CCNH: variants seen among roughly 807,000 people sequenced by gnomAD.
CCNH encodes cyclin H.
A neutral mutation model predicts 41.9 loss-of-function variants in CCNH; 31 were observed. The observed-to-expected ratio is 0.74, with a 90% CI of 0.56 to 1.00. The LOEUF is 1.00. CCNH is among the 50% of genes least tolerant of loss of function. The probability of loss-of-function intolerance (pLI) is 0.00; values close to 1 mark genes in which losing one functional copy is unlikely to be tolerated. For synonymous variants in CCNH, 138 were observed against 136.1 expected (o/e 1.01, Z -0.10); for missense variants, 362 against 388.4 (o/e 0.93, Z 0.57).
chr5:87,374,073 G>T, downstream of CCNH: 1 of 1,108,952 alleles, frequency 9.0e-7, no homozygotes, highest in Non-Finnish European at 1.1e-6. Flanking sequence ...CATTATTTTT[G>T]GCTTTGTATC....
At chr5:87,318,705 A>G (rs1459835733) in exon 10 of CCNH, 1 of 152,212 alleles carries the variant, frequency 6.6e-6, no homozygotes, top group Non-Finnish European at 1.5e-5. Flanking sequence ...ACAATTCAAC[A>G]TGAGATTTGG....
In CCNH at chr5:87,395,091, CT is replaced by C. The variant is rs1339121452; in HGVS notation, c.885del (p.Gly296AlafsTer25). The C allele has an allele frequency of 6.2e-7, 1 of 1,611,114 alleles. No homozygotes were observed. Among genetic ancestry groups the C allele is most frequent in the Non-Finnish European group, 8.5e-7 (1 of 1,178,120 alleles). ...LALNVITKKR[K>X]GYEDDDYVSK... ...GAGACGTAATCATCATCTTCATAGC[CT>C]TTCCTCTTCTTCCTATAATTAAGCA... On this transcript the variant is annotated frameshift_variant, in exon 8 of 9. Transcript: ENST00000256897. LOFTEE classifies it high-confidence loss of function.
At chr5:87,404,678 A>G (rs796236368) in intron 5 of CCNH, among the ~76,000 whole-genome samples, 166 bp downstream of exon 5, 3 of 152,346 alleles carry the variant, frequency 2.0e-5, no homozygotes, top group African/African-American at 7.2e-5. Flanking sequence ...TTAGTTTAAC[A>G]GTATTTTTCA....
At chr5:87,319,704 G>A (rs998771554) in intron 9 of CCNH, among the ~76,000 whole-genome samples, 3 of 152,006 alleles carry the variant, frequency 2.0e-5, no homozygotes, top group East Asian at 1.9e-4. Context: ...TACTGGAGGG[G>A]CAGCCATGAA....
downstream of CCNH, among the ~76,000 whole-genome samples, chr5:87,374,532 T>C (rs1221764853): frequency 1.3e-5 from 2 of 150,796 alleles, no homozygotes; most frequent in Non-Finnish European, 3.0e-5. Context: ...TTCCACTTAG[T>C]TATTAACATG....
rs780883922 is a variant in CCNH, at chr5:87,412,770, G to A, written c.25C>T (p.Arg9Trp). ...TCCTCGCTGGAGAAGGTCCAGTGCC[G>A]CTTCTGACTACTGTTGTGGTACATT... is the stretch of plus-strand genomic sequence containing the variant. MYHNSSQKRHWTFSSEEQL... is the reference protein window; with the variant it reads MYHNSSQKWHWTFSSEEQL... The change falls in exon 1 of 9, where the codon CGG becomes TGG. Residue 9 changes from arginine to tryptophan, a missense_variant. Arg to Trp is a moderately radical substitution (Grantham distance 101). Coordinates refer to ENST00000256897, the MANE Select transcript of CCNH (RefSeq NM_001239.4). 6.2e-7 allele frequency: 1 copy of A among 1,614,190 alleles called. No individual in the cohort carries two copies. Among genetic ancestry groups the A allele is most frequent in the Non-Finnish European group, 8.5e-7 (1 of 1,180,030 alleles).
chr5:87,347,061 C>T (rs772808566), intron 9 of CCNH, among the ~76,000 whole-genome samples: 16 of 151,940 alleles, frequency 1.1e-4, no homozygotes, highest in Non-Finnish European at 2.1e-4. Context: ...GAACATGCAA[C>T]ACACTTTTTT....
chr5:87,362,450 A>G (rs2112455704), intron 9 of CCNH: 1 of 1,140,826 alleles, frequency 8.8e-7, no homozygotes, highest in East Asian at 2.5e-5. Context: ...TCTAGATTTT[A>G]GTATTTTAAG....
chr5:87,400,575 T>C (rs1763327776), intron 6 of CCNH, among the ~76,000 whole-genome samples: 1 of 152,220 alleles, frequency 6.6e-6, no homozygotes, highest in Admixed American at 6.5e-5. Context: ...ACAGCCATCA[T>C]TCTCAAAGGA....
At chr5:87,339,677 C>T (rs1228502320) in intron 9 of CCNH, among the ~76,000 whole-genome samples, 1 of 152,036 alleles carries the variant, frequency 6.6e-6, no homozygotes, top group African/African-American at 2.4e-5. Context: ...GACCTCACAT[C>T]AGTACAAGGG....
chr5:87,390,930 G>T (rs199767239), downstream of CCNH: 1 of 1,531,324 alleles, frequency 6.5e-7, no homozygotes, highest in African/African-American at 1.4e-5. Context: ...GTCCAACATG[G>T]TAATTCACTT....
intron 9 of CCNH, among the ~76,000 whole-genome samples, chr5:87,336,509 TA>T (rs1757981804): frequency 1.3e-5 from 2 of 152,234 alleles, no homozygotes; most frequent in South Asian, 4.1e-4. Flanking sequence ...ATTAATGATT[TA>T]ATAAAGCACT....
downstream of CCNH, among the ~76,000 whole-genome samples, chr5:87,387,270 C>T (rs778450574): frequency 4.0e-4 from 61 of 152,010 alleles, no homozygotes; most frequent in Non-Finnish European, 7.1e-4. Flanking sequence ...TGAAGCAAGA[C>T]GATGACACAG....
chr5:87,392,090 C>A (rs1378484925), downstream of CCNH: 1 of 329,376 alleles, frequency 3.0e-6, no homozygotes, highest in African/African-American at 2.2e-5. Flanking sequence ...TGCAATAATT[C>A]CTTCCCTCTC....
downstream of CCNH, chr5:87,391,106 A>AATCTTTAACAACCTCTGAGCCT: frequency 1.6e-6 from 1 of 620,690 alleles, no homozygotes; most frequent in Non-Finnish European, 2.9e-6. Flanking sequence ...ACATGGAATC[A>AATCTTTAACAACCTCTGAGCCT]ATCTTTAACA....
chr5:87,374,034 A>G (rs1761137922), downstream of CCNH: 1 of 801,840 alleles, frequency 1.2e-6, no homozygotes, highest in Non-Finnish European at 1.6e-6. Flanking sequence ...CAAAGCTCAC[A>G]TTTTCTGAAA....
intron 9 of CCNH, among the ~76,000 whole-genome samples, chr5:87,364,508 C>CT (rs1379306062): frequency 3.3e-5 from 5 of 151,912 alleles, no homozygotes; most frequent in Non-Finnish European, 5.9e-5. Flanking sequence ...CGAAGATACC[C>CT]TTTTTTTTCC....
intron 4 of CCNH, among the ~76,000 whole-genome samples, chr5:87,407,009 C>T (rs1295658778): frequency 6.6e-6 from 1 of 152,102 alleles, no homozygotes; most frequent in African/African-American, 2.4e-5. Context: ...TAGACTCTGC[C>T]TTCCACTCTG....
At chr5:87,312,918 G>GT in the CCNH span, among the ~76,000 whole-genome samples, 1 of 152,226 alleles carries the variant, frequency 6.6e-6, no homozygotes, top group Non-Finnish European at 1.5e-5. Flanking sequence ...TGGTTCAGGT[G>GT]TTTATCAGGG....
Sources: allele counts gnomAD v4.1 joint callset (sites outside exome capture counted in the v4.1 genomes callset), GRCh38; gene constraint gnomAD v4.1.1; transcripts MANE v1.5; gene names NCBI Gene and HGNC (gene_info 2026-07-23, HGNC 2026-07-21).